PCDHGB3: variants seen among roughly 807,000 people sequenced by gnomAD.
PCDHGB3 encodes protocadherin gamma subfamily B, 3, also known as protocadherin gamma-B3.
A neutral mutation model predicts 59.2 loss-of-function variants in PCDHGB3; 40 were observed. The observed-to-expected ratio is 0.68, with a 90% CI of 0.52 to 0.88. PCDHGB3 has a LOEUF of 0.88. PCDHGB3 is among the 40% of genes least tolerant of loss of function. The pLI is 0.00. For missense variants in PCDHGB3, 1,309 were observed against 1,187.9 expected (o/e 1.10, Z -1.50); for synonymous variants, 581 against 503.6 (o/e 1.15, Z -2.06).
chr5:141,370,804 T>C lies in PCDHGB3; in HGVS notation c.410T>C (p.Ile137Thr), dbSNP rs565720476. 223 of 1,614,010 alleles carry C rather than the reference T, an allele frequency of 1.4e-4. 3 individuals are homozygous for C. The Middle Eastern group carries it at 3.0e-3, about 21-fold the overall frequency. The change falls in exon 1 of 4, where the codon ATC becomes ACC. Residue 137 changes from isoleucine (I) to threonine (T), a missense_variant. Ile to Thr is a moderately conservative substitution (Grantham distance 89). Coordinates refer to ENST00000576222, the MANE Select transcript of PCDHGB3 (RefSeq NM_018924.5). The part of the protein sequence containing the change: ...NDNPPTFSQN[I>T]TELEISELAL... ...AACCCACCGACCTTTAGCCAAAATA[T>C]CACTGAGCTGGAAATCAGCGAACTG...
intron 1 of PCDHGB3, chr5:141,398,937 C>G: frequency 6.2e-7 from 1 of 1,613,902 alleles, no homozygotes; most frequent in Non-Finnish European, 8.5e-7. Context: ...CTGACCAAGA[C>G]GAGGGCATCA....
At position 141,372,120 on chromosome 5, in the gene PCDHGB3, G is replaced by A. The variant is rs1169863583; in HGVS notation, c.1726G>A (p.Asp576Asn). The change falls in exon 1 of 4, where the codon GAT (aspartate) becomes AAT (asparagine). Residue 576 changes from aspartate (D) to asparagine (N), a missense_variant. Coordinates refer to ENST00000576222, the MANE Select transcript of PCDHGB3 (RefSeq NM_018924.5). ...ALGPEGSALF[D>N]MVPRSAEPGY... Reference sequence around the variant, plus strand: ...GGGGCCCGAAGGCTCTGCGCTCTTCGATATGGTGCCGCGCTCTGCAGAGCC... The same window carrying A: ...GGGGCCCGAAGGCTCTGCGCTCTTCAATATGGTGCCGCGCTCTGCAGAGCC... The A allele has an allele frequency of 3.1e-6, 5 of 1,613,776 alleles. No individual in the cohort carries two copies. Among genetic ancestry groups the A allele is most frequent in the African/African-American group, 1.3e-5 (1 of 75,044 alleles).
At chr5:141,394,060 C>A (rs1437765710) in intron 1 of PCDHGB3, 9 of 1,613,662 alleles carry the variant, frequency 5.6e-6, no homozygotes, top group African/African-American at 4.0e-5. Context: ...GAAAATGTCT[C>A]TATCTACAAT....
Position 141,486,617 on chromosome 5 carries a change from C to G in PCDHGB3, c.2416-8190C>G. ...GCTTTGCTCCCTTGCAGCCTCTGAC[C>G]CAGACTCTGGCTTGAATGCGCTTAT... On this transcript the variant is annotated intron_variant, in intron 1 of 3. Transcript: ENST00000576222. This position sits in a 1 kb window ranked among gnomAD's most constrained non-coding sequence, Gnocchi z 5.0. 1 of 1,613,602 alleles carries G rather than the reference C, an allele frequency of 6.2e-7. No homozygotes were observed. Among genetic ancestry groups the G allele is most frequent in the South Asian group, 1.1e-5 (1 of 91,086 alleles).
chr5:141,462,242 G>A (rs1325040495), intron 1 of PCDHGB3, among the ~76,000 whole-genome samples: 3 of 152,234 alleles, frequency 2.0e-5, no homozygotes, highest in Non-Finnish European at 4.4e-5. Context: ...TTACAGGTAT[G>A]AGCCACCATG....
At chr5:141,419,432 C>T (rs2096381830) in intron 1 of PCDHGB3, 1 of 1,613,278 alleles carries the variant, frequency 6.2e-7, no homozygotes, top group East Asian at 2.2e-5. Flanking sequence ...CCACGAGCAG[C>T]TGCGCACCTT....
In PCDHGB3 at chr5:141,489,091, T is replaced by TCAG. The variant is rs2099682519; in HGVS notation, c.2416-5716_2416-5715insCAG. On this transcript the variant is annotated intron_variant, in intron 1 of 3. Transcript: ENST00000576222. This position sits in a 1 kb window ranked among gnomAD's most constrained non-coding sequence, Gnocchi z 4.5. ...CTGCCCACCCCCGCCACTCGGTGACTAAGAACTGCTGCAAGCAGGCAAACC... is the reference window on the plus strand; with the variant it reads ...CTGCCCACCCCCGCCACTCGGTGACTCAGAAGAACTGCTGCAAGCAGGCAAACC... The TCAG allele has an allele frequency of 3.0e-6, 1 of 333,056 alleles. No individual in the cohort carries two copies. Among genetic ancestry groups the TCAG allele is most frequent in the Non-Finnish European group, 5.5e-6 (1 of 181,380 alleles). 20.6% of individuals were successfully genotyped at this position (333,056 alleles called of 1,614,324 possible). A position where few individuals can be genotyped will look rare whatever the true frequency, so the allele number is the denominator to read the frequency against.
chr5:141,467,008 A>T (rs1319152720), intron 1 of PCDHGB3, among the ~76,000 whole-genome samples: 1 of 150,270 alleles, frequency 6.7e-6, no homozygotes, highest in African/African-American at 2.4e-5. Context: ...TTGCAATGCA[A>T]TTTTTTTCCC....
chr5:141,429,330 T>C (rs2097204620), intron 1 of PCDHGB3, among the ~76,000 whole-genome samples: 1 of 152,188 alleles, frequency 6.6e-6, no homozygotes, highest in East Asian at 1.9e-4. Flanking sequence ...CTTTAATCCA[T>C]TAACTATAAA....
Position 141,489,772 on chromosome 5 carries a change from T to C in PCDHGB3, c.2416-5035T>C, listed in dbSNP as rs1327700197. 6.2e-7 allele frequency: 1 copy of C among 1,614,154 alleles called. No individual in the cohort carries two copies. The highest frequency in any genetic ancestry group is 8.5e-7 in the Non-Finnish European group (1 of 1,179,994). ...TTACACTCTAAGCCCCAACAGCCAC[T>C]TCTCTCTGAATGTGAAGACCCTAAA... On this transcript the variant is annotated intron_variant, in intron 1 of 3. Coordinates refer to ENST00000576222, the MANE Select transcript of PCDHGB3 (RefSeq NM_018924.5). This position sits in a 1 kb window ranked among gnomAD's most constrained non-coding sequence, Gnocchi z 4.5.
At chr5:141,440,484 A>G (rs190024112) in intron 1 of PCDHGB3, 36 of 152,300 alleles carry the variant, frequency 2.4e-4, no homozygotes, top group Non-Finnish European at 4.7e-4. Context: ...AATTCTTTAA[A>G]TGTTTTTCAC....
chr5:141,408,211 G>A (rs1285774248), intron 1 of PCDHGB3: 1 of 1,554,426 alleles, frequency 6.4e-7, no homozygotes, highest in South Asian at 1.2e-5. Flanking sequence ...CGATGGGAGG[G>A]AGCTGCGCGC....
chr5:141,507,023 C>T (rs971356315), intron 3 of PCDHGB3: 16 of 152,348 alleles, frequency 1.1e-4, no homozygotes, highest in African/African-American at 2.4e-4. Flanking sequence ...AAGGCACTTG[C>T]CCCAGGGTCC....
chr5:141,417,771 C>G, intron 1 of PCDHGB3: 1 of 1,456,488 alleles, frequency 6.9e-7, no homozygotes, highest in Non-Finnish European at 9.1e-7. Flanking sequence ...CGGGACTCCT[C>G]CTGTCCTGGG....
chr5:141,499,996 C>A (rs1246090346), intron 2 of PCDHGB3, among the ~76,000 whole-genome samples: 2 of 151,572 alleles, frequency 1.3e-5, no homozygotes, highest in Non-Finnish European at 2.9e-5. Flanking sequence ...CCAGATGATT[C>A]TTTCATAAGG....
intron 1 of PCDHGB3, among the ~76,000 whole-genome samples, chr5:141,400,876 T>G (rs1304937244): frequency 6.6e-6 from 1 of 152,230 alleles, no homozygotes; most frequent in East Asian, 1.9e-4. Flanking sequence ...ACCATTAAAT[T>G]TAATGTATGT....
At chr5:141,474,426 C>T (rs2099349464) in intron 1 of PCDHGB3, among the ~76,000 whole-genome samples, 1 of 152,198 alleles carries the variant, frequency 6.6e-6, no homozygotes, top group Non-Finnish European at 1.5e-5. Context: ...ACCATTGGTC[C>T]TCACACTTTG....
At chr5:141,375,707 C>G in intron 1 of PCDHGB3, 1 of 1,614,264 alleles carries the variant, frequency 6.2e-7, no homozygotes, top group Non-Finnish European at 8.5e-7. Context: ...GGACCCGCCT[C>G]TTAGCAGCAA....
rs2095763034 is a variant in PCDHGB3, at chr5:141,414,586, A to G, written c.2415+41777A>G. 1.2e-6 allele frequency: 2 copies of G among 1,613,964 alleles called. No individual in the cohort carries two copies. The highest frequency in any genetic ancestry group is 8.5e-7 in the Non-Finnish European group (1 of 1,179,880). On this transcript the variant is annotated intron_variant, in intron 1 of 3. Transcript: ENST00000576222. ...TACCTATATCCCAGAGAACAACGCC[A>G]GGGGTGCCTCCATCTTCTCAGTGAC...
Sources: allele counts gnomAD v4.1 joint callset (sites outside exome capture counted in the v4.1 genomes callset), GRCh38; gene constraint gnomAD v4.1.1; non-coding constraint Gnocchi (gnomAD v3.1); transcripts MANE v1.5; gene names NCBI Gene and HGNC (gene_info 2026-07-23, HGNC 2026-07-21).